The following MFN2 variants were observed in gnomAD, a reference collection of about 807,000 sequenced individuals.
The protein encoded by MFN2 is mitofusin 2, also known as mitofusin-2.
In MFN2, 43 loss-of-function variants were observed where a neutral mutation model predicts 87.5. The observed-to-expected ratio is 0.49, with a 90% CI of 0.38 to 0.63. The LOEUF is 0.63. Ranked by LOEUF, MFN2 falls within the 30% of genes least tolerant of loss-of-function variation. MFN2 has a pLI of 0.00. For synonymous variants in MFN2, 337 were observed against 359.9 expected (o/e 0.94, Z 0.72); for missense variants, 743 against 972.8 (o/e 0.76, Z 3.14).
At chr1:12,007,362 C>A in intron 17 of MFN2, 113 bp downstream of exon 17, 2 of 1,327,172 alleles carry the variant, frequency 1.5e-6, no homozygotes, top group Non-Finnish European at 2.1e-6. Flanking sequence ...TCCTAAGCAT[C>A]GTAGACCCTG....
At chr1:12,006,753 G>A in intron 16 of MFN2, 60 bp downstream of exon 16, 1 of 1,608,166 alleles carries the variant, frequency 6.2e-7, no homozygotes, top group Non-Finnish European at 8.5e-7. Context: ...GGGGCCTGAG[G>A]GCTAGGTTCC....
At chr1:11,981,838 C>T (rs1216934830) in intron 1 of MFN2, 132 bp from the exon 2 acceptor site, 2 of 152,246 alleles carry the variant, frequency 1.3e-5, no homozygotes, top group African/African-American at 4.8e-5. Context: ...AGCGCAACTC[C>T]CCAATACCTC....
At chr1:11,996,490 C>G (rs562826143) in intron 5 of MFN2, among the ~76,000 whole-genome samples, 172 bp downstream of exon 5, 3 of 152,108 alleles carry the variant, frequency 2.0e-5, no homozygotes, top group Admixed American at 2.0e-4. Context: ...TGGGGGCTGG[C>G]GGAGGTGGTT....
intron 3 of MFN2, among the ~76,000 whole-genome samples, chr1:11,989,964 T>G (rs543759220): frequency 6.6e-6 from 1 of 152,208 alleles, no homozygotes; most frequent in Non-Finnish European, 1.5e-5. Flanking sequence ...TCAGGCTCCC[T>G]CTTTAGAAGG....
Position 12,006,822 on chromosome 1 carries a change from G to A in MFN2, c.1872+129G>A, listed in dbSNP as rs534273196. ...GTCCACTGCATACTTTCTCCTCTGTGATTGCATGGGGAGCGCTTACTCCCT... is the reference window on the plus strand; with the variant it reads ...GTCCACTGCATACTTTCTCCTCTGTAATTGCATGGGGAGCGCTTACTCCCT... On this transcript the variant is annotated intron_variant, in intron 16 of 18. Coordinates refer to ENST00000235329, the MANE Select transcript of MFN2 (RefSeq NM_014874.4). 5.0e-5 allele frequency: 71 copies of A among 1,409,258 alleles called. No homozygotes were observed. In the East Asian group the frequency reaches 1.5e-3, roughly 30 times the overall value. 87.3% of individuals were successfully genotyped at this position (1,409,258 alleles called of 1,614,324 possible).
Position 12,003,912 on chromosome 1 carries a change from G to A in MFN2, c.1161-80G>A, listed in dbSNP as rs866006291. Reference sequence around the variant, plus strand: ...CAGGCAAGATAGCGGGCAGGGCGGCGTGGGATTTCTGGCATCCCCTCTTGC... The same window carrying A: ...CAGGCAAGATAGCGGGCAGGGCGGCATGGGATTTCTGGCATCCCCTCTTGC... On this transcript the variant is annotated intron_variant, in intron 11 of 18. Transcript: ENST00000235329. The surrounding 1 kb of genome is among the most constrained non-coding windows in gnomAD (Gnocchi z 4.1). 1.8e-5 allele frequency: 28 copies of A among 1,585,884 alleles called. No homozygotes were observed. The highest frequency in any genetic ancestry group is 1.8e-4 in the Middle Eastern group (1 of 5,508).
At chr1:11,988,587 A>G (rs887723041) in intron 2 of MFN2, among the ~76,000 whole-genome samples, 1 of 152,006 alleles carries the variant, frequency 6.6e-6, no homozygotes, top group Non-Finnish European at 1.5e-5. Context: ...CCCAGGCTAG[A>G]GTGCAGTGGA....
chr1:11,988,327 A>G (rs1638515476), intron 2 of MFN2, among the ~76,000 whole-genome samples: 1 of 143,766 alleles, frequency 7.0e-6, no homozygotes, highest in African/African-American at 2.6e-5. Context: ...CTGGTCTTGA[A>G]CTCCTGACCT....
In MFN2 at chr1:12,004,452, G is replaced by T; in HGVS notation, c.1288-57G>T. 1 of 1,411,894 alleles carries T rather than the reference G, an allele frequency of 7.1e-7. No individual in the cohort carries two copies. The allele number at this position is 1,411,894 out of a possible 1,614,324, so 87.5% of individuals were successfully genotyped here. ...ATCTGCTAGGATCTCTCCTGGTGCT[G>T]CAGGAGTGAACTTTGGTCTTCCTTG... On this transcript the variant is annotated intron_variant, in intron 12 of 18. Coordinates refer to ENST00000235329, the MANE Select transcript of MFN2 (RefSeq NM_014874.4). The surrounding 1 kb of genome is among the most constrained non-coding windows in gnomAD (Gnocchi z 4.2).
intron 6 of MFN2, among the ~76,000 whole-genome samples, chr1:11,998,287 C>T (rs1639018235): frequency 1.3e-5 from 2 of 151,886 alleles, no homozygotes; most frequent in Admixed American, 1.3e-4. Flanking sequence ...GTGGCTCATG[C>T]CTGTAATCCT....
rs41278626 is a variant in MFN2 at position 11,998,745 on chromosome 1, T to C, written c.600-25T>C. ...ATAGGGCTCCTGCTCTGCCTGATGA[T>C]TTGGTTTACCCCTGTCACCTTTAGC... is the stretch of plus-strand genomic sequence containing the variant. On this transcript the variant is annotated intron_variant, in intron 6 of 18. Transcript: ENST00000235329. The C allele has an allele frequency of 0.055, 88,749 of 1,605,056 alleles. 2,839 individuals are homozygous for C. Among genetic ancestry groups the C allele is most frequent in the East Asian group, 0.11 (4,823 of 44,816 alleles).
Position 12,004,785 on chromosome 1 carries a change from G to A in MFN2, c.1393-40G>A. The A allele has an allele frequency of 6.3e-7, 1 of 1,596,012 alleles. No homozygotes were observed. ...GTGGATGTGGCCTGAAGGGAATTTT[G>A]ATGGACATGCTTCTCTTAACTTCCC... On this transcript the variant is annotated intron_variant, in intron 13 of 18. Transcript: ENST00000235329. This position sits in a 1 kb window ranked among gnomAD's most constrained non-coding sequence, Gnocchi z 4.2.
chr1:11,993,440 A>G (rs1638777989), intron 4 of MFN2, among the ~76,000 whole-genome samples: 1 of 152,198 alleles, frequency 6.6e-6, no homozygotes. Context: ...ACAAAAGCAA[A>G]GAATCTAAAA....
rs566967170 is a variant in MFN2, at chr1:12,006,218, G to A, written c.1716+287G>A. Among the ~76,000 whole-genome samples, 5 of 152,192 alleles carry A rather than the reference G, an allele frequency of 3.3e-5. No individual in the cohort carries two copies. In the South Asian group the frequency reaches 8.3e-4, roughly 25 times the overall value. On this transcript the variant is annotated intron_variant, in intron 15 of 18. Transcript: ENST00000235329. ...ACTTTAAAAATAACCACCTACATACGACTATTTTAAAGTTCAGATTTTAAA... is the reference window on the plus strand; with the variant it reads ...ACTTTAAAAATAACCACCTACATACAACTATTTTAAAGTTCAGATTTTAAA...
Position 11,997,038 on chromosome 1 carries a change from CA to C in MFN2, c.475-240del, listed in dbSNP as rs35141271. On this transcript the variant is annotated intron_variant, in intron 5 of 18. Coordinates refer to ENST00000235329, the MANE Select transcript of MFN2 (RefSeq NM_014874.4). ...TGGGTGACAGAGCGAGACTCCGTCT[CA>C]AAAAAAAAAAAAAAAAAAGAATCAA... 0.55 allele frequency among the ~76,000 whole-genome samples: 54,480 copies of C among 99,850 alleles called. 10,488 individuals are homozygous for C. The highest frequency in any genetic ancestry group is 0.62 in the South Asian group (1,884 of 3,050). The allele number at this position is 99,850 out of a possible 152,430, so 65.5% of individuals were successfully genotyped here.
At chr1:11,985,288 A>C (rs943356639) in intron 2 of MFN2, among the ~76,000 whole-genome samples, 5 of 152,128 alleles carry the variant, frequency 3.3e-5, no homozygotes, top group Non-Finnish European at 7.4e-5. Flanking sequence ...TTCTCTCTCC[A>C]GTAGGTGTCT....
chr1:11,993,311 C>T (rs1638773891), intron 4 of MFN2, among the ~76,000 whole-genome samples: 2 of 151,332 alleles, frequency 1.3e-5, no homozygotes, highest in Non-Finnish European at 2.9e-5. Context: ...AACAATTGTG[C>T]TTGTATTGTT....
chr1:11,999,210 C>T (rs1639066544), intron 8 of MFN2, 115 bp downstream of exon 8: 1 of 862,382 alleles, frequency 1.2e-6, no homozygotes, highest in Non-Finnish European at 2.0e-6. Context: ...AATTTTATTG[C>T]CAAAGAATTC....
intron 14 of MFN2, 46 bp from the exon 15 acceptor site, chr1:12,005,665 G>A (rs1569864849): frequency 7.0e-6 from 11 of 1,574,832 alleles, no homozygotes; most frequent in Middle Eastern, 1.7e-4. Flanking sequence ...CCGCTGTGGT[G>A]CAGGGCTGAG....
Sources: gnomAD v4.1 joint callset for allele counts (sites outside exome capture counted in the v4.1 genomes callset) on GRCh38, gnomAD v4.1.1 for gene constraint, Gnocchi (gnomAD v3.1) non-coding constraint, MANE v1.5 for transcripts, NCBI Gene and HGNC (gene_info 2026-07-23, HGNC 2026-07-21) for gene names.